Variants in ACTR3C observed in about 807,000 individuals in gnomAD.
ACTR3C encodes the protein actin related protein 3C.
Under a neutral mutation model 26.3 loss-of-function variants are expected in ACTR3C, and 18 were observed. The observed-to-expected ratio is 0.68, with a 90% confidence interval of 0.47 to 1.01. The LOEUF (loss-of-function observed/expected upper bound fraction) is 1.01. Ranked by LOEUF, ACTR3C falls within the 50% of genes least tolerant of loss-of-function variation. The probability of loss-of-function intolerance (pLI) is 0.00; values close to 1 mark genes in which losing one functional copy is unlikely to be tolerated. For missense variants in ACTR3C, 184 were observed against 250.7 expected (o/e 0.73, Z 1.80); for synonymous variants, 55 against 94.5 (o/e 0.58, Z 2.42).
chr7:150,107,503 G>T, the ACTR3C span, among the ~76,000 whole-genome samples: 1 of 151,950 alleles, frequency 6.6e-6, no homozygotes, highest in Non-Finnish European at 1.5e-5. Context: ...CACTGATTCA[G>T]ATACAACCTT....
the ACTR3C span, among the ~76,000 whole-genome samples, chr7:149,903,540 T>C: frequency 6.6e-6 from 1 of 151,360 alleles, no homozygotes; most frequent in South Asian, 2.1e-4. Context: ...AAGAGTTGTC[T>C]TGGGGTTTTG....
At chr7:150,266,891 A>G (rs1377387717) in intron 6 of ACTR3C, among the ~76,000 whole-genome samples, 3 of 152,256 alleles carry the variant, frequency 2.0e-5, no homozygotes, top group African/African-American at 2.4e-5. Context: ...GTTAAGACGA[A>G]CAACTGCAAC....
intron 6 of ACTR3C, among the ~76,000 whole-genome samples, chr7:150,281,765 A>G (rs1835362531): frequency 1.3e-5 from 2 of 152,002 alleles, no homozygotes; most frequent in Non-Finnish European, 2.9e-5. Flanking sequence ...AACTCCTCAC[A>G]TGTCTACAAC....
intron 6 of ACTR3C, among the ~76,000 whole-genome samples, chr7:150,265,785 TAG>T (rs2129610458): frequency 6.6e-6 from 1 of 152,222 alleles, no homozygotes; most frequent in East Asian, 1.9e-4. Flanking sequence ...ACATTTCTGG[TAG>T]AGTGTTTTTA....
At chr7:150,022,564 G>T in the ACTR3C span, among the ~76,000 whole-genome samples, 778 of 152,110 alleles carry the variant, frequency 5.1e-3, 9 homozygotes, top group African/African-American at 0.018. Context: ...CCCTGCTGTG[G>T]CTATAAAGCT....
chr7:150,126,454 A>G, the ACTR3C span, among the ~76,000 whole-genome samples: 1 of 152,220 alleles, frequency 6.6e-6, no homozygotes, highest in African/African-American at 2.4e-5. Context: ...AAATCTCTGA[A>G]AATATGAAGC....
the ACTR3C span, among the ~76,000 whole-genome samples, chr7:150,191,268 C>T: frequency 1.3e-5 from 2 of 152,106 alleles, no homozygotes; most frequent in African/African-American, 4.8e-5. Flanking sequence ...TTTGAGATTT[C>T]AATTCAGATT....
At chr7:150,021,425 G>C in the ACTR3C span, among the ~76,000 whole-genome samples, 1 of 150,754 alleles carries the variant, frequency 6.6e-6, no homozygotes, top group South Asian at 2.1e-4. Flanking sequence ...GTACAGTTGA[G>C]AGTTATTGTC....
At chr7:150,013,603 G>C in the ACTR3C span, among the ~76,000 whole-genome samples, 1 of 152,346 alleles carries the variant, frequency 6.6e-6, no homozygotes, top group African/African-American at 2.4e-5. Context: ...GGCTCTCATA[G>C]GAAGATGCCT....
chr7:150,170,669 AC>A, the ACTR3C span, among the ~76,000 whole-genome samples: 2,434 of 150,646 alleles, frequency 0.016, 223 homozygotes, highest in African/African-American at 0.058. Flanking sequence ...AGTCCCAGGG[AC>A]CCACCGTAAA....
the ACTR3C span, among the ~76,000 whole-genome samples, chr7:150,205,988 C>T: frequency 6.6e-6 from 1 of 152,046 alleles, no homozygotes; most frequent in Admixed American, 6.6e-5. Context: ...TTTTCTGTCA[C>T]TTTTACGTAA....
the ACTR3C span, among the ~76,000 whole-genome samples, chr7:150,189,771 G>A: frequency 6.8e-5 from 8 of 117,966 alleles, no homozygotes; most frequent in East Asian, 2.2e-4. Context: ...TCAATTGTAC[G>A]GATATACCAC....
At chr7:149,897,914 T>C in the ACTR3C span, among the ~76,000 whole-genome samples, 1 of 152,022 alleles carries the variant, frequency 6.6e-6, no homozygotes, top group Non-Finnish European at 1.5e-5. Flanking sequence ...TGAAGCCTTT[T>C]TCTCAGAAGG....
chr7:149,929,807 AGGCATGAGCCACCGC>A, the ACTR3C span, among the ~76,000 whole-genome samples: 1 of 152,192 alleles, frequency 6.6e-6, no homozygotes, highest in Non-Finnish European at 1.5e-5. Flanking sequence ...CTGGGATTAC[AGGCATGAGCCACCGC>A]GCCCAGCCAA....
At chr7:150,180,510 T>C in the ACTR3C span, among the ~76,000 whole-genome samples, 86 of 137,460 alleles carry the variant, frequency 6.3e-4, no homozygotes, top group Non-Finnish European at 9.7e-4. Context: ...TAGTAGTATA[T>C]CTTTTTTTTT....
the ACTR3C span, among the ~76,000 whole-genome samples, chr7:149,912,889 A>G: frequency 1.3e-5 from 2 of 152,238 alleles, no homozygotes; most frequent in East Asian, 3.9e-4. Flanking sequence ...GCAAAAGCAC[A>G]AATTCTTCAG....
At position 150,263,083 on chromosome 7, in the gene ACTR3C, A is replaced by G. The variant is rs1833766434; in HGVS notation, c.565-14029T>C. On this transcript the variant is annotated intron_variant, in intron 6 of 7. Transcript: ENST00000683684. Reference sequence around the variant, plus strand: ...ATGAAGAGAGGTATGGAGGCTTCCTATTTAGAGAAAACAGTAGGAAGTCGG... The same window carrying G: ...ATGAAGAGAGGTATGGAGGCTTCCTGTTTAGAGAAAACAGTAGGAAGTCGG... 3.9e-5 allele frequency among the ~76,000 whole-genome samples: 6 copies of G among 152,228 alleles called. No individual in the cohort carries two copies. The South Asian group carries it at 1.2e-3, about 32-fold the overall frequency.
At chr7:150,023,263 A>ACATC in the ACTR3C span, among the ~76,000 whole-genome samples, 2 of 50,938 alleles carry the variant, frequency 3.9e-5, 1 homozygote, top group Admixed American at 4.3e-4. Flanking sequence ...AGATCTCTAT[A>ACATC]TATCTCTATA....
At chr7:150,115,139 T>C in the ACTR3C span, among the ~76,000 whole-genome samples, 2 of 152,250 alleles carry the variant, frequency 1.3e-5, no homozygotes, top group Non-Finnish European at 2.9e-5. Context: ...ATTCAACGTC[T>C]ACTAGAGTAT....
Sources: gnomAD v4.1 joint callset for allele counts (sites outside exome capture counted in the v4.1 genomes callset) on GRCh38, gnomAD v4.1.1 for gene constraint, MANE v1.5 for transcripts, NCBI Gene and HGNC (gene_info 2026-07-23, HGNC 2026-07-21) for gene names.